HLTF: variants seen among roughly 807,000 people sequenced by gnomAD.
The protein encoded by HLTF is DNA-dependent ATPase/E3 ubiquitin-protein ligase HLTF.
Under a neutral mutation model 129.4 loss-of-function variants are expected in HLTF, and 127 were observed. The ratio of observed to expected loss-of-function variants is 0.98; its 90% CI spans 0.85 to 1.14. The LOEUF is 1.14. HLTF is among the 50% of genes most tolerant of loss of function. HLTF has a pLI of 0.00. For synonymous variants in HLTF, 332 were observed against 388.8 expected (o/e 0.85, Z 1.72); for missense variants, 1,139 against 1,187.1 (o/e 0.96, Z 0.60).
At chr3:149,075,673 T>C (rs1327920385) in intron 3 of HLTF, among the ~76,000 whole-genome samples, 3 of 152,234 alleles carry the variant, frequency 2.0e-5, no homozygotes, top group Non-Finnish European at 4.4e-5. Flanking sequence ...ATGGTAATAA[T>C]TCCATAGGAA....
intron 19 of HLTF, 58 bp from the exon 20 acceptor site, chr3:149,041,726 T>G: frequency 8.0e-7 from 1 of 1,250,854 alleles, no homozygotes; most frequent in Non-Finnish European, 1.2e-6. Flanking sequence ...GACAAGTTAA[T>G]CTATCTTATA....
At chr3:149,079,348 TGGGCAAAA>T (rs1719664448) in intron 2 of HLTF, among the ~76,000 whole-genome samples, 1 of 103,810 alleles carries the variant, frequency 9.6e-6, no homozygotes, top group African/African-American at 3.7e-5. Context: ...GAGACCAGCC[TGGGCAAAA>T]GGGTAACGAC....
At chr3:149,048,186 A>G in intron 16 of HLTF, 23 bp from the exon 17 acceptor site, 3 of 1,585,722 alleles carry the variant, frequency 1.9e-6, no homozygotes, top group Non-Finnish European at 1.7e-6. Context: ...GGAAACTGTT[A>G]TAACTCTTTA....
intron 8 of HLTF, among the ~76,000 whole-genome samples, chr3:149,066,588 A>C (rs546007443): frequency 6.6e-6 from 1 of 151,872 alleles, no homozygotes; most frequent in African/African-American, 2.4e-5. Context: ...CTGCCATTTC[A>C]ATTAATGTAG....
chr3:149,034,763 C>A (rs1346204394), intron 24 of HLTF, among the ~76,000 whole-genome samples, 155 bp downstream of exon 24: 2 of 152,122 alleles, frequency 1.3e-5, no homozygotes, highest in Non-Finnish European at 2.9e-5. Context: ...GCCCCTTAAA[C>A]AGCATATATT....
chr3:149,046,828 G>A (rs1320046976), intron 17 of HLTF, among the ~76,000 whole-genome samples: 1 of 151,870 alleles, frequency 6.6e-6, no homozygotes, highest in Non-Finnish European at 1.5e-5. Flanking sequence ...TCTCAGTACT[G>A]GAAAAAAAGA....
intron 8 of HLTF, 33 bp from the exon 9 acceptor site, chr3:149,064,899 T>G (rs764530519): frequency 1.5e-5 from 19 of 1,227,364 alleles, no homozygotes; most frequent in Non-Finnish European, 2.3e-5. Context: ...TAAACAGTAC[T>G]GCTATCAGTT....
intron 3 of HLTF, among the ~76,000 whole-genome samples, 178 bp from the exon 4 acceptor site, chr3:149,074,526 A>C (rs1298639011): frequency 6.6e-6 from 1 of 152,232 alleles, no homozygotes; most frequent in Non-Finnish European, 1.5e-5. Context: ...ATAAACAATC[A>C]GAAGGGTGAT....
intron 14 of HLTF, among the ~76,000 whole-genome samples, chr3:149,052,478 TAG>T (rs1717079223): frequency 6.6e-6 from 1 of 152,148 alleles, no homozygotes; most frequent in Non-Finnish European, 1.5e-5. Flanking sequence ...CAAGAAGGTT[TAG>T]AGATAGCTTA....
Position 149,086,529 on chromosome 3 carries a change from A to T in HLTF, c.-193T>A, listed in dbSNP as rs1049791085. The T allele has an allele frequency of 5.1e-5, 32 of 626,032 alleles. No homozygotes were observed. Among genetic ancestry groups the T allele is most frequent in the African/African-American group, 5.0e-4 (27 of 54,306 alleles). 38.8% of individuals were successfully genotyped at this position (626,032 alleles called of 1,614,324 possible). Reference sequence around the variant, plus strand: ...CGTCGACGCCGTCTCCTTCTGCAACAATCTGGGAGACCAGCGTCGCTCTGT... The same window carrying T: ...CGTCGACGCCGTCTCCTTCTGCAACTATCTGGGAGACCAGCGTCGCTCTGT... On this transcript the variant is annotated 5_prime_UTR_variant, in exon 1 of 25. Transcript: ENST00000310053.
chr3:149,062,231 CTGT>C (rs1427459657), intron 10 of HLTF, among the ~76,000 whole-genome samples: 9 of 152,246 alleles, frequency 5.9e-5, no homozygotes, highest in Non-Finnish European at 8.8e-5. Context: ...TGTGTGTCAG[CTGT>C]TGTTAAGTTT....
intron 4 of HLTF, 121 bp from the exon 5 acceptor site, chr3:149,073,443 A>C (rs1719043868): frequency 2.9e-6 from 2 of 684,316 alleles, no homozygotes; most frequent in Non-Finnish European, 2.5e-6. Flanking sequence ...CCTGTAACCC[A>C]AGCACTTTGG....
In HLTF at chr3:149,062,879, A is replaced by G. The variant is rs532762092; in HGVS notation, c.1160+552T>C. ...AAAATAGAAAAAAAGTAGTAGAAAG[A>G]TGAGTGATTATTAAAATTTACCAAT... On this transcript the variant is annotated intron_variant, in intron 10 of 24. Coordinates refer to ENST00000310053, the MANE Select transcript of HLTF (RefSeq NM_003071.4). 3.3e-5 allele frequency among the ~76,000 whole-genome samples: 5 copies of G among 152,302 alleles called. No individual in the cohort carries two copies. The South Asian group carries it at 1.0e-3, about 32-fold the overall frequency.
Position 149,039,133 on chromosome 3 carries a change from A to C in HLTF, c.2712T>G (p.Ser904=). 1 of 1,612,594 alleles carries C rather than the reference A, an allele frequency of 6.2e-7. No individual in the cohort carries two copies. The highest frequency in any genetic ancestry group is 1.1e-5 in the South Asian group (1 of 90,856). Residue 904 remains serine, a synonymous_variant, in exon 23 of 25, where the codon TCT becomes TCG. Transcript: ENST00000310053. ...TTAAGGACAGAAGCATTATAGTTGG[A>C]GATCCTGCTTCAGTGTTTTGAAAAC... ...IQCFQNTEAG[S]PTIMLLSLKA... is the part of the protein sequence containing the mutation.
chr3:149,058,608 T>A (rs1178200143), intron 13 of HLTF, among the ~76,000 whole-genome samples: 1 of 152,230 alleles, frequency 6.6e-6, no homozygotes, highest in African/African-American at 2.4e-5. Context: ...TATGGCACCT[T>A]TTGATGCATG....
rs76044191 is a variant in HLTF, at chr3:149,074,155, G to A, written c.529+60C>T. The stretch of plus-strand genomic sequence containing the variant: ...CAACAAACTCCAAGAGAGAATAAAT[G>A]TTTCATAATCCCTGCATCTTACAAT... On this transcript the variant is annotated intron_variant, in intron 4 of 24. Coordinates refer to ENST00000310053, the MANE Select transcript of HLTF (RefSeq NM_003071.4). 1.3e-4 allele frequency: 189 copies of A among 1,494,288 alleles called. 1 individual carries two copies. In the East Asian group the frequency reaches 4.0e-3, roughly 32 times the overall value. The allele number at this position is 1,494,288 out of a possible 1,614,324, so 92.6% of individuals were successfully genotyped here.
At chr3:149,084,376 C>T (rs532404846) in intron 2 of HLTF, among the ~76,000 whole-genome samples, 2 of 150,504 alleles carry the variant, frequency 1.3e-5, no homozygotes, top group African/African-American at 4.9e-5. Context: ...TTCCACAAAA[C>T]GATCTCCTTT....
intron 24 of HLTF, among the ~76,000 whole-genome samples, chr3:149,033,466 G>T (rs989420253): frequency 1.3e-5 from 2 of 151,928 alleles, no homozygotes; most frequent in African/African-American, 4.8e-5. Flanking sequence ...TTCAAAAAGG[G>T]TCATCAGAAC....
At chr3:149,075,834 TG>T (rs767413892) in intron 3 of HLTF, 46 bp downstream of exon 3, 19 of 1,357,762 alleles carry the variant, frequency 1.4e-5, no homozygotes, top group Non-Finnish European at 1.8e-5. Context: ...AGTTCAAAGA[TG>T]ACTATAATTC....
Sources: gnomAD v4.1 joint callset for allele counts (sites outside exome capture counted in the v4.1 genomes callset) on GRCh38, gnomAD v4.1.1 for gene constraint, MANE v1.5 for transcripts, NCBI Gene and HGNC (gene_info 2026-07-23, HGNC 2026-07-21) for gene names.